MED13L: variants seen among roughly 807,000 people sequenced by gnomAD.
MED13L encodes mediator of RNA polymerase II transcription subunit 13-like.
A neutral mutation model predicts 220.9 loss-of-function variants in MED13L; 7 were observed. The observed-to-expected ratio is 0.03, with a 90% CI of 0.02 to 0.06. The LOEUF (loss-of-function observed/expected upper bound fraction) is 0.06. MED13L is among the 10% of genes least tolerant of loss of function. The pLI is 1.00. For missense variants in MED13L, 1,965 were observed against 2,760.5 expected (o/e 0.71, Z 6.46); for synonymous variants, 1,011 against 1,015.2 (o/e 1.00, Z 0.08).
At chr12:116,237,765 AG>A (rs1870231226) in intron 1 of MED13L, 60 bp from the exon 2 acceptor site, 1 of 1,391,398 alleles carries the variant, frequency 7.2e-7, no homozygotes, top group Non-Finnish European at 1.0e-6. Flanking sequence ...CACTAAAAAC[AG>A]TCTTCCATAC....
intron 2 of MED13L, among the ~76,000 whole-genome samples, chr12:116,124,122 A>AGAGAGAGAGAGAGAGAGAG (rs1565888715): frequency 1.1e-5 from 1 of 91,314 alleles, no homozygotes; most frequent in Admixed American, 1.3e-4. Flanking sequence ...AGAGAGAAAG[A>AGAGAGAGAGAGAGAGAGAG]CGAGAGAGAG....
intron 1 of MED13L, among the ~76,000 whole-genome samples, chr12:116,240,146 TCTGTCA>T (rs1186533306): frequency 6.6e-6 from 1 of 151,864 alleles, no homozygotes; most frequent in African/African-American, 2.4e-5. Context: ...GGAGCCTCGC[TCTGTCA>T]CCCAGGTTGG....
chr12:115,965,589 G>A (rs1876097424), intron 29 of MED13L, among the ~76,000 whole-genome samples: 1 of 152,082 alleles, frequency 6.6e-6, no homozygotes, highest in African/African-American at 2.4e-5. Flanking sequence ...CTTTTGTTTT[G>A]AACCCTTAAA....
chr12:116,075,932 G>GCA (rs1870756870), intron 4 of MED13L, among the ~76,000 whole-genome samples: 1 of 50,656 alleles, frequency 2.0e-5, no homozygotes, highest in East Asian at 5.8e-4. Context: ...TTTTTTTTTT[G>GCA]AGACGGAGTC....
At chr12:116,095,695 A>G (rs1187160681) in intron 4 of MED13L, among the ~76,000 whole-genome samples, 1 of 152,244 alleles carries the variant, frequency 6.6e-6, no homozygotes, top group East Asian at 1.9e-4. Context: ...CACTGATAAT[A>G]AAACAAAATT....
intron 4 of MED13L, among the ~76,000 whole-genome samples, chr12:116,089,633 T>C (rs1331996333): frequency 6.6e-6 from 1 of 152,174 alleles, no homozygotes; most frequent in East Asian, 1.9e-4. Context: ...ATTTTCCAAA[T>C]TAAAATTAAG....
At chr12:116,236,002 G>C (rs1465744848) in intron 2 of MED13L, among the ~76,000 whole-genome samples, 1 of 151,906 alleles carries the variant, frequency 6.6e-6, no homozygotes, top group Non-Finnish European at 1.5e-5. Context: ...CTACTACATA[G>C]GGAAAAAAAG....
At chr12:116,257,268 G>A (rs1023582658) in intron 1 of MED13L, among the ~76,000 whole-genome samples, 2 of 152,192 alleles carry the variant, frequency 1.3e-5, no homozygotes, top group African/African-American at 4.8e-5. Flanking sequence ...GGCAGGCACT[G>A]TCTACACAAA....
At chr12:116,080,638 A>T (rs1425167280) in intron 4 of MED13L, among the ~76,000 whole-genome samples, 1 of 152,244 alleles carries the variant, frequency 6.6e-6, no homozygotes, top group Non-Finnish European at 1.5e-5. Context: ...CCTTCAATGA[A>T]GTCAAATATT....
chr12:116,068,642 G>C (rs1460049654), intron 4 of MED13L, among the ~76,000 whole-genome samples: 2 of 152,156 alleles, frequency 1.3e-5, no homozygotes, highest in Non-Finnish European at 2.9e-5. Context: ...CTCAGAATAA[G>C]AAATCTGAAT....
chr12:115,969,219 T>G (rs1249466201), intron 27 of MED13L, 122 bp from the exon 28 acceptor site: 4 of 1,082,798 alleles, frequency 3.7e-6, no homozygotes, highest in East Asian at 2.6e-5. Flanking sequence ...GGACACACAC[T>G]GTTAATAACT....
chr12:116,080,826 C>T (rs1387607698), intron 4 of MED13L, among the ~76,000 whole-genome samples: 2 of 152,138 alleles, frequency 1.3e-5, no homozygotes, highest in East Asian at 1.9e-4. Context: ...TGTTTCACTG[C>T]AGTATGTGCA....
At chr12:116,221,269 C>A (rs1201771966) in intron 2 of MED13L, among the ~76,000 whole-genome samples, 3 of 150,852 alleles carry the variant, frequency 2.0e-5, no homozygotes, top group Non-Finnish European at 2.9e-5. Flanking sequence ...CAGCTACCCA[C>A]AAGGCTGAGG....
At chr12:116,148,246 T>G (rs952152393) in intron 2 of MED13L, among the ~76,000 whole-genome samples, 1 of 151,756 alleles carries the variant, frequency 6.6e-6, no homozygotes, top group Admixed American at 6.6e-5. Flanking sequence ...TCACTTAGTG[T>G]GCAAATAACT....
intron 2 of MED13L, among the ~76,000 whole-genome samples, chr12:116,221,857 T>C (rs1868473363): frequency 2.0e-5 from 3 of 152,164 alleles, no homozygotes; most frequent in Non-Finnish European, 2.9e-5. Context: ...TAAAATAATA[T>C]GAAAAATTAT....
chr12:115,993,847 T>G (rs1453730508), intron 16 of MED13L, among the ~76,000 whole-genome samples: 2 of 152,120 alleles, frequency 1.3e-5, no homozygotes, highest in Non-Finnish European at 2.9e-5. Flanking sequence ...AGAAGCTGGA[T>G]AGTCAAAAGT....
intron 4 of MED13L, among the ~76,000 whole-genome samples, chr12:116,028,295 A>C (rs1483053348): frequency 6.6e-6 from 1 of 152,162 alleles, no homozygotes; most frequent in Non-Finnish European, 1.5e-5. Flanking sequence ...TGGGAGGTAA[A>C]TCTTTATTAC....
chr12:116,187,275 G>C (rs1037653361), intron 2 of MED13L, among the ~76,000 whole-genome samples: 1 of 152,190 alleles, frequency 6.6e-6, no homozygotes, highest in Admixed American at 6.5e-5. Context: ...TCTTTGGTTT[G>C]AGAGACTACT....
intron 1 of MED13L, among the ~76,000 whole-genome samples, chr12:116,245,675 AATG>A (rs1198528992): frequency 6.6e-6 from 1 of 152,180 alleles, no homozygotes; most frequent in African/African-American, 2.4e-5. Flanking sequence ...TGATTCCAGA[AATG>A]ATAAAACTTA....
Sources: allele counts gnomAD v4.1 joint callset (sites outside exome capture counted in the v4.1 genomes callset), GRCh38; gene constraint gnomAD v4.1.1; transcripts MANE v1.5; gene names NCBI Gene and HGNC (gene_info 2026-07-23, HGNC 2026-07-21).